The following WRN variants were observed in gnomAD, a reference collection of about 807,000 sequenced individuals.
The protein encoded by WRN is bifunctional 3'-5' exonuclease/ATP-dependent helicase WRN.
A neutral mutation model predicts 180.7 loss-of-function variants in WRN; 149 were observed. The ratio of observed to expected loss-of-function variants is 0.82; its 90% CI spans 0.72 to 0.94. The LOEUF (loss-of-function observed/expected upper bound fraction) is 0.94, where lower values mean the gene tolerates loss of function less well. Among genes scored for constraint, WRN ranks in the 40% least tolerant of loss-of-function variants. WRN has a pLI of 0.00. For synonymous variants in WRN, 548 were observed against 568.9 expected (o/e 0.96, Z 0.52); for missense variants, 1,661 against 1,700.1 (o/e 0.98, Z 0.40).
In WRN at chr8:31,096,882, T is replaced by C. The variant is rs775371357; in HGVS notation, c.1981+32T>C. On this transcript the variant is annotated intron_variant, in intron 17 of 34. Coordinates refer to ENST00000298139, the MANE Select transcript of WRN (RefSeq NM_000553.6). ...GATAAAGAAAGATCTCTGTAAATAC[T>C]TACTGAGTTAATATTTAAAGTTAAA... 3 of 1,578,078 alleles carry C rather than the reference T, an allele frequency of 1.9e-6. No homozygotes were observed. In the Admixed American group the frequency reaches 5.0e-5, roughly 26 times the overall value.
rs1193726075 is a variant in WRN, at chr8:31,067,078, C to T, written c.550C>T (p.Leu184Phe). The change falls in exon 6 of 35, where the codon CTC becomes TTC. Residue 184 changes from leucine (L) to phenylalanine (F), a missense_variant. Around this residue, in one of 3 missense-constraint regions of WRN, gnomAD observed 500 missense variants for 504.1 expected, o/e 0.99. Transcript: ENST00000298139. ...TWSLNSLVKH[L>F]LGKQLLKDKS... Reference sequence around the variant, plus strand: ...GAGCCTTAACAGTCTGGTTAAACACCTCTTAGGTAAACAGCTCCTGAAAGA... The same window carrying T: ...GAGCCTTAACAGTCTGGTTAAACACTTCTTAGGTAAACAGCTCCTGAAAGA... 1 of 1,613,940 alleles carries T rather than the reference C, an allele frequency of 6.2e-7. No homozygotes were observed. The highest frequency in any genetic ancestry group is 1.1e-5 in the South Asian group (1 of 91,082).
At chr8:31,150,643 A>T (rs1486640039) in intron 31 of WRN, among the ~76,000 whole-genome samples, 188 bp downstream of exon 31, 1 of 152,206 alleles carries the variant, frequency 6.6e-6, no homozygotes, top group African/African-American at 2.4e-5. Context: ...ACTTTTAAAG[A>T]TGATACTAAA....
At position 31,080,852 on chromosome 8, in the gene WRN, T is replaced by C; in HGVS notation, c.840-15T>C. ...CAATTGAAGTTGAATTAATCTTTCTTAATTTTTTTTTTAGGGTTTCTATCT... is the reference window on the plus strand; with the variant it reads ...CAATTGAAGTTGAATTAATCTTTCTCAATTTTTTTTTTAGGGTTTCTATCT... On this transcript the variant is annotated splice_polypyrimidine_tract_variant and intron_variant, in intron 8 of 34. Transcript: ENST00000298139. The C allele has an allele frequency of 6.3e-7, 1 of 1,582,608 alleles. No homozygotes were observed. The highest frequency in any genetic ancestry group is 8.6e-7 in the Non-Finnish European group (1 of 1,163,182).
intron 21 of WRN, among the ~76,000 whole-genome samples, chr8:31,121,510 T>C (rs1801725284): frequency 1.3e-5 from 2 of 152,058 alleles, no homozygotes; most frequent in Admixed American, 1.3e-4. Flanking sequence ...GGCTTCATTT[T>C]ACTGTTCTCC....
chr8:31,136,191 C>T (rs1336395437), intron 24 of WRN, among the ~76,000 whole-genome samples: 1 of 152,138 alleles, frequency 6.6e-6, no homozygotes, highest in Non-Finnish European at 1.5e-5. Flanking sequence ...CAGGGTCTCC[C>T]TATGTTTCCC....
intron 23 of WRN, among the ~76,000 whole-genome samples, chr8:31,129,683 A>G (rs1802068714): frequency 6.6e-6 from 1 of 152,194 alleles, no homozygotes; most frequent in South Asian, 2.1e-4. Flanking sequence ...CATTTTTAGA[A>G]CTTAGGGATA....
chr8:31,112,091 T>C (rs1801343276), intron 19 of WRN, among the ~76,000 whole-genome samples: 1 of 152,146 alleles, frequency 6.6e-6, no homozygotes, highest in Non-Finnish European at 1.5e-5. Context: ...CTTATTTATT[T>C]ATAGAGACAG....
intron 19 of WRN, among the ~76,000 whole-genome samples, chr8:31,113,250 A>G (rs73583727): frequency 0.059 from 8,931 of 151,838 alleles, 923 homozygotes; most frequent in African/African-American, 0.2. Context: ...CAAAACAAGC[A>G]TAGACAAATA....
At chr8:31,102,626 A>C (rs1800921865) in intron 18 of WRN, among the ~76,000 whole-genome samples, 1 of 152,230 alleles carries the variant, frequency 6.6e-6, no homozygotes, top group Non-Finnish European at 1.5e-5. Context: ...GTAAAAATAC[A>C]GTATAAAAGA....
intron 14 of WRN, 31 bp downstream of exon 14, chr8:31,090,563 T>C: frequency 6.3e-7 from 1 of 1,593,026 alleles, no homozygotes; most frequent in South Asian, 1.1e-5. Flanking sequence ...ACCTAATCCT[T>C]TAAAAAAATA....
chr8:31,095,362 G>T (rs530328575), intron 16 of WRN, among the ~76,000 whole-genome samples: 1 of 152,072 alleles, frequency 6.6e-6, no homozygotes, highest in South Asian at 2.1e-4. Flanking sequence ...CCTAGTTTAT[G>T]GCTTTTCATA....
rs189999761 is a variant in WRN at position 31,096,861 on chromosome 8, A to G, written c.1981+11A>G. On this transcript the variant is annotated intron_variant, in intron 17 of 34. Coordinates refer to ENST00000298139, the MANE Select transcript of WRN (RefSeq NM_000553.6). ...TTGAGGCTGATATTGGTAAGTGATAAAGAAAGATCTCTGTAAATACTTACT... is the reference window on the plus strand; with the variant it reads ...TTGAGGCTGATATTGGTAAGTGATAGAGAAAGATCTCTGTAAATACTTACT... 3.4e-3 allele frequency: 5,535 copies of G among 1,609,242 alleles called. 10 individuals are homozygous for G. Among genetic ancestry groups the G allele is most frequent in the Non-Finnish European group, 4.3e-3 (5,084 of 1,176,052 alleles).
chr8:31,087,850 T>A lies in WRN; in HGVS notation c.1506T>A (p.Gly502=), dbSNP rs1813593518. 6.2e-7 allele frequency: 1 copy of A among 1,613,596 alleles called. No individual in the cohort carries two copies. The highest frequency in any genetic ancestry group is 1.3e-5 in the African/African-American group (1 of 74,886). ...SKCLKMERNL[G]LPTKEEEEDD... ...GCTTAAAAATGGAAAGAAATCTGGG[T>A]CTTCCTACTAAAGAAGAAGAAGAAG... The change falls in exon 12 of 35, where the codon GGT becomes GGA. Residue 502 remains glycine, a synonymous_variant. Transcript: ENST00000298139.
At chr8:31,099,715 T>C (rs1390956895) in intron 17 of WRN, among the ~76,000 whole-genome samples, 2 of 152,102 alleles carry the variant, frequency 1.3e-5, no homozygotes, top group Admixed American at 6.5e-5. Flanking sequence ...TTATTAGTCT[T>C]TTTATTCCTA....
At chr8:31,096,139 G>T (rs1317425835) in intron 16 of WRN, among the ~76,000 whole-genome samples, 1 of 152,154 alleles carries the variant, frequency 6.6e-6, no homozygotes, top group Non-Finnish European at 1.5e-5. Context: ...AAAGGTAAAG[G>T]CATATCTGTT....
intron 23 of WRN, among the ~76,000 whole-genome samples, chr8:31,130,026 A>AAAAC (rs1802096634): frequency 7.4e-6 from 1 of 135,216 alleles, no homozygotes; most frequent in African/African-American, 3.3e-5. Flanking sequence ...AAAACAAAAC[A>AAAAC]AAAAAAAAAA....
In WRN at chr8:31,124,526, C is replaced by T; in HGVS notation, c.2635C>T (p.Leu879Phe). ...APADINLNRHLLTEIRNEKFR... is the reference protein window; with the variant it reads ...APADINLNRHFLTEIRNEKFR... The stretch of plus-strand genomic sequence containing the variant: ...TGTGATGTTTTTAATCGACAGGCAC[C>T]TTCTTACTGAGATACGTAATGAGAA... Residue 879 changes from leucine to phenylalanine, a missense_variant, in exon 22 of 35, where the codon CTT becomes TTT. Transcript: ENST00000298139. 1 of 1,611,462 alleles carries T rather than the reference C, an allele frequency of 6.2e-7. No individual in the cohort carries two copies. Among genetic ancestry groups the T allele is most frequent in the Non-Finnish European group, 8.5e-7 (1 of 1,178,328 alleles).
chr8:31,050,528 G>C (rs1414753193), intron 1 of WRN, among the ~76,000 whole-genome samples: 1 of 94,170 alleles, frequency 1.1e-5, no homozygotes, highest in Non-Finnish European at 2.2e-5. Flanking sequence ...TTTTTTTTTT[G>C]ACACAAAGCT....
chr8:31,087,439 C>G (rs1014554594), intron 11 of WRN, among the ~76,000 whole-genome samples: 9 of 152,068 alleles, frequency 5.9e-5, no homozygotes, highest in African/African-American at 2.2e-4. Context: ...ACGTTTACTA[C>G]TTGAGAATCG....
Sources: gnomAD v4.1 joint callset for allele counts (sites outside exome capture counted in the v4.1 genomes callset) on GRCh38, gnomAD v4.1.1 for gene constraint, gnomAD v4.1.1 regional missense constraint, MANE v1.5 for transcripts, NCBI Gene and HGNC (gene_info 2026-07-23, HGNC 2026-07-21) for gene names.